The following TRIM49 variants were observed in gnomAD, a reference collection of about 807,000 sequenced individuals.
TRIM49 encodes the protein tripartite motif containing 49, also known as tripartite motif-containing protein 49.
TRIM49 carries 5 observed loss-of-function variants against 27.4 expected under a neutral mutation model. That is an observed-to-expected ratio of 0.18 (90% CI 0.10 to 0.38). The LOEUF is 0.38. Among genes scored for constraint, TRIM49 ranks in the 10% least tolerant of loss-of-function variants. The probability of loss-of-function intolerance (pLI) is 1.00; values close to 1 mark genes in which losing one functional copy is unlikely to be tolerated. For missense variants in TRIM49, 188 were observed against 487.5 expected (o/e 0.39, Z 5.79); for synonymous variants, 69 against 166.0 (o/e 0.42, Z 4.49).
the TRIM49 span, among the ~76,000 whole-genome samples, chr11:89,791,095 G>A: frequency 2.4e-4 from 36 of 150,738 alleles, no homozygotes; most frequent in African/African-American, 8.6e-4. Flanking sequence ...ACTACGTGAT[G>A]AATGCACAAT....
At chr11:89,792,601 C>T in the TRIM49 span, among the ~76,000 whole-genome samples, 6 of 152,176 alleles carry the variant, frequency 3.9e-5, no homozygotes, top group South Asian at 8.3e-4. Flanking sequence ...CACTCAAAAC[C>T]GCTCAACTAC....
chr11:89,800,318 T>TA (rs1375626708), intron 6 of TRIM49, among the ~76,000 whole-genome samples: 3 of 151,674 alleles, frequency 2.0e-5, no homozygotes, highest in African/African-American at 4.9e-5. Flanking sequence ...TATATATGTA[T>TA]AAAAAACAAA....
the TRIM49 span, chr11:89,766,451 A>G: frequency 3.9e-5 from 16 of 405,380 alleles, no homozygotes; most frequent in Non-Finnish European, 6.4e-5. Flanking sequence ...TGCATTTTAC[A>G]TATCTTCTAC....
chr11:89,787,868 T>A, the TRIM49 span: 3 of 425,314 alleles, frequency 7.1e-6, no homozygotes, highest in African/African-American at 2.6e-5. Context: ...ACACGGGGTT[T>A]GAGGGCAGGG....
chr11:89,801,135 A>G, intron 5 of TRIM49, 147 bp from the exon 6 acceptor site: 5 of 1,496,368 alleles, frequency 3.3e-6, no homozygotes, highest in Non-Finnish European at 3.6e-6. Flanking sequence ...TTCTTCTGTA[A>G]AGAAAAACCC....
chr11:89,766,617 G>C, the TRIM49 span: 2 of 1,129,586 alleles, frequency 1.8e-6, no homozygotes, highest in Non-Finnish European at 2.5e-6. Context: ...GTAAAAGAAA[G>C]ACCTGACAGG....
At chr11:89,793,700 C>T (rs1936759903), downstream of TRIM49, among the ~76,000 whole-genome samples, 1 of 151,930 alleles carries the variant, frequency 6.6e-6, no homozygotes, top group Non-Finnish European at 1.5e-5. Flanking sequence ...ATGCTAAAAC[C>T]TCTCAATAAA....
rs1203910681 is a variant in TRIM49 at position 89,807,427 on chromosome 11, G to A, written c.-190-143C>T. The stretch of plus-strand genomic sequence containing the variant: ...CATCACACTTTCATTCTGAACACCA[G>A]TGCCTGAATGAATCATATGTAACAT... On this transcript the variant is annotated intron_variant, in intron 1 of 7. Coordinates refer to ENST00000329758, the MANE Select transcript of TRIM49 (RefSeq NM_020358.2). 5.9e-5 allele frequency: 9 copies of A among 151,510 alleles called. 1 individual carries two copies. The highest frequency in any genetic ancestry group is 1.2e-4 in the Non-Finnish European group (8 of 67,962). 9.4% of individuals were successfully genotyped at this position (151,510 alleles called of 1,614,324 possible). A position where few individuals can be genotyped will look rare whatever the true frequency, so the allele number is the denominator to read the frequency against.
the TRIM49 span, chr11:89,789,395 C>T: frequency 8.4e-6 from 1 of 119,346 alleles, no homozygotes; most frequent in East Asian, 2.3e-4. Flanking sequence ...AGCTGAGGAC[C>T]CAGCCAGGCA....
intron 6 of TRIM49, among the ~76,000 whole-genome samples, chr11:89,800,536 G>A (rs1176295100): frequency 6.6e-6 from 1 of 151,174 alleles, no homozygotes; most frequent in Non-Finnish European, 1.5e-5. Context: ...GGGGTCAGGA[G>A]ATAGAGACCA....
chr11:89,800,708 A>C (rs1166122810), intron 6 of TRIM49, among the ~76,000 whole-genome samples: 1 of 150,146 alleles, frequency 6.7e-6, no homozygotes, highest in Non-Finnish European at 1.5e-5. Context: ...GCGCCATTGC[A>C]CTCCAGCCTG....
the TRIM49 span, among the ~76,000 whole-genome samples, chr11:89,789,900 A>G: frequency 2.0e-5 from 3 of 151,504 alleles, no homozygotes; most frequent in African/African-American, 7.3e-5. Context: ...GGCTTGTCAG[A>G]CAGTGGGTGC....
At chr11:89,795,814 A>G (rs1332199884), downstream of TRIM49, among the ~76,000 whole-genome samples, 1 of 151,536 alleles carries the variant, frequency 6.6e-6, no homozygotes, top group African/African-American at 2.4e-5. Context: ...GCAGCACACC[A>G]ACATGGCACA....
chr11:89,792,959 G>A (rs1949665020), downstream of TRIM49, among the ~76,000 whole-genome samples: 1 of 152,272 alleles, frequency 6.6e-6, no homozygotes. Flanking sequence ...TCCAGGAGCT[G>A]GTTTTTTGAA....
At position 89,804,304 on chromosome 11, in the gene TRIM49, T is replaced by A; in HGVS notation, c.166A>T (p.Thr56Ser). The change falls in exon 3 of 8, where the codon ACA becomes TCA. Residue 56 changes from threonine (T) to serine (S), a missense_variant. Coordinates refer to ENST00000329758, the MANE Select transcript of TRIM49 (RefSeq NM_020358.2). ...IPFLVQCSEC[T>S]KSTEQINLKT... Reference sequence around the variant, plus strand: ...AGGTTTATCTGCTCGGTTGACTTTGTGCATTCAGAGCACTGGACAAGAAAT... The same window carrying A: ...AGGTTTATCTGCTCGGTTGACTTTGAGCATTCAGAGCACTGGACAAGAAAT... The A allele has an allele frequency of 1.2e-6, 2 of 1,612,078 alleles. No individual in the cohort carries two copies. The highest frequency in any genetic ancestry group is 2.2e-5 in the South Asian group (2 of 90,936).
At chr11:89,793,709 A>C (rs1434792511), downstream of TRIM49, among the ~76,000 whole-genome samples, 1 of 151,944 alleles carries the variant, frequency 6.6e-6, no homozygotes, top group African/African-American at 2.4e-5. Context: ...CCTCTCAATA[A>C]ATTGGGTATT....
chr11:89,772,928 T>A, the TRIM49 span, among the ~76,000 whole-genome samples: 12 of 134,708 alleles, frequency 8.9e-5, no homozygotes, highest in Non-Finnish European at 1.5e-4. Context: ...ACAGAAAAAC[T>A]GGTTTGAAAA....
downstream of TRIM49, among the ~76,000 whole-genome samples, chr11:89,793,951 C>T (rs868356443): frequency 6.6e-6 from 1 of 150,382 alleles, no homozygotes; most frequent in Non-Finnish European, 1.5e-5. Context: ...TCAAATTGTC[C>T]CTGTTTGCAG....
At chr11:89,790,954 C>A in the TRIM49 span, among the ~76,000 whole-genome samples, 3 of 151,930 alleles carry the variant, frequency 2.0e-5, no homozygotes, top group African/African-American at 7.3e-5. Flanking sequence ...CTTCTCCAAG[C>A]TAAAGGAGGA....
Sources: allele counts gnomAD v4.1 joint callset (sites outside exome capture counted in the v4.1 genomes callset), GRCh38; gene constraint gnomAD v4.1.1; transcripts MANE v1.5; gene names NCBI Gene and HGNC (gene_info 2026-07-23, HGNC 2026-07-21).